Variants in LTBP2 observed in about 807,000 individuals in gnomAD.
LTBP2 encodes latent transforming growth factor beta binding protein 2.
In LTBP2, 103 loss-of-function variants were observed where a neutral mutation model predicts 210.6. That is an observed-to-expected ratio of 0.49 (90% CI 0.42 to 0.58). LTBP2 has a LOEUF of 0.58. Ranked by LOEUF, LTBP2 falls within the 20% of genes least tolerant of loss-of-function variation. LTBP2 has a pLI of 0.00. For missense variants in LTBP2, 2,313 were observed against 2,494.5 expected (o/e 0.93, Z 1.55); for synonymous variants, 1,007 against 1,015.0 (o/e 0.99, Z 0.15).
intron 1 of LTBP2, among the ~76,000 whole-genome samples, chr14:74,605,274 G>A (rs1336860933): frequency 6.6e-6 from 1 of 152,230 alleles, no homozygotes; most frequent in Non-Finnish European, 1.5e-5. Context: ...ATAAATTCCT[G>A]CAGCTTGAAA....
chr14:74,525,282 T>A, intron 14 of LTBP2, 57 bp from the exon 15 acceptor site: 1 of 960,912 alleles, frequency 1.0e-6, no homozygotes, highest in African/African-American at 1.7e-5. Flanking sequence ...GCCATGGCCC[T>A]TCCCTCTTCC....
intron 26 of LTBP2, 51 bp from the exon 27 acceptor site, chr14:74,506,874 T>TGC (rs759841151): frequency 1.2e-5 from 15 of 1,207,752 alleles, no homozygotes; most frequent in African/African-American, 1.0e-4. Context: ...TGTGTGTGTG[T>TGC]GTGTGCGCGC....
rs568947992 is a variant in LTBP2, at chr14:74,542,830, G to A, written c.1790-6830C>T. On this transcript the variant is annotated intron_variant, in intron 8 of 35. Transcript: ENST00000261978. ...TCACCAGGCTGGAGTGCAGTGGCGC[G>A]ATCTCAGCTCACTGCAATCTCTGCC... Among the ~76,000 whole-genome samples the A allele has an allele frequency of 5.3e-5, 8 of 150,832 alleles. No homozygotes were observed. In the East Asian group the frequency reaches 5.9e-4, roughly 11 times the overall value.
intron 3 of LTBP2, among the ~76,000 whole-genome samples, chr14:74,577,657 C>T (rs1423797922): frequency 6.6e-6 from 1 of 151,930 alleles, no homozygotes; most frequent in African/African-American, 2.4e-5. Flanking sequence ...TACAGATGCC[C>T]ACCACCATAC....
At chr14:74,529,512 A>G (rs1216061550) in intron 10 of LTBP2, among the ~76,000 whole-genome samples, 1 of 152,198 alleles carries the variant, frequency 6.6e-6, no homozygotes. Flanking sequence ...TGGGAAGATG[A>G]GGCAAGGTAA....
At chr14:74,603,166 C>T (rs947320205) in intron 2 of LTBP2, among the ~76,000 whole-genome samples, 5 of 152,068 alleles carry the variant, frequency 3.3e-5, no homozygotes, top group African/African-American at 1.2e-4. Flanking sequence ...CTCGCTCTGT[C>T]GCCCAGTCTG....
chr14:74,511,232 C>G lies in LTBP2; in HGVS notation c.3028+13G>C. On this transcript the variant is annotated intron_variant, in intron 19 of 35. Coordinates refer to ENST00000261978, the MANE Select transcript of LTBP2 (RefSeq NM_000428.3). ...CGAATGGCTGGCTCAGTGCCTTGGCCAGCAGCCCTCACCTACACAGCTCCC... is the reference window on the plus strand; with the variant it reads ...CGAATGGCTGGCTCAGTGCCTTGGCGAGCAGCCCTCACCTACACAGCTCCC... The G allele has an allele frequency of 6.2e-7, 1 of 1,613,758 alleles. No individual in the cohort carries two copies.
chr14:74,596,895 G>A (rs1436954557), intron 2 of LTBP2, among the ~76,000 whole-genome samples: 1 of 152,144 alleles, frequency 6.6e-6, no homozygotes, highest in Non-Finnish European at 1.5e-5. Flanking sequence ...GAGGATGTCT[G>A]GGAGACATCA....
chr14:74,516,804 CTCCTTCCCGT>C lies in LTBP2; in HGVS notation c.2908+8_2908+17del. 6.4e-7 allele frequency: 1 copy of C among 1,551,332 alleles called. No homozygotes were observed. The highest frequency in any genetic ancestry group is 8.7e-7 in the Non-Finnish European group (1 of 1,146,894). ...GGTGGTGGGGTGGCAGGGCGCTTCC[CTCCTTCCCGT>C]TCCTTACCTTGGCAGTGTCCTTTCC... On this transcript the variant is annotated splice_region_variant and intron_variant, in intron 18 of 35. Transcript: ENST00000261978.
intron 11 of LTBP2, 54 bp from the exon 12 acceptor site, chr14:74,528,752 C>A: frequency 6.3e-7 from 1 of 1,589,760 alleles, no homozygotes; most frequent in East Asian, 2.2e-5. Context: ...CTGCAGGAAA[C>A]CAGGGCCTTC....
At chr14:74,518,414 C>T (rs1481750414) in intron 17 of LTBP2, among the ~76,000 whole-genome samples, 2 of 152,180 alleles carry the variant, frequency 1.3e-5, no homozygotes, top group African/African-American at 2.4e-5. Context: ...CTCCTACCCT[C>T]GCCTAACCTC....
intron 17 of LTBP2, among the ~76,000 whole-genome samples, chr14:74,517,424 A>G (rs2087150632): frequency 6.6e-6 from 1 of 151,288 alleles, no homozygotes; most frequent in Non-Finnish European, 1.5e-5. Flanking sequence ...CGCCATCTTG[A>G]CTCACTGCAA....
At chr14:74,512,389 T>C (rs862055) in intron 18 of LTBP2, among the ~76,000 whole-genome samples, 105,333 of 152,168 alleles carry the variant, frequency 0.69, 36,738 homozygotes, top group African/African-American at 0.79. Context: ...ATTTAGAGGC[T>C]CTACTGCCCG....
In LTBP2 at chr14:74,524,446, G is replaced by A. The variant is rs367897022; in HGVS notation, c.2530+678C>T. Among the ~76,000 whole-genome samples the A allele has an allele frequency of 6.6e-5, 10 of 152,142 alleles. No homozygotes were observed. The East Asian group carries it at 1.6e-3, about 24-fold the overall frequency. ...GGTGACTGGGTCTCTGGACCCAGTC[G>A]TAAGGTTAAGAGAGCAGGAGCCCCA... On this transcript the variant is annotated intron_variant, in intron 15 of 35. Coordinates refer to ENST00000261978, the MANE Select transcript of LTBP2 (RefSeq NM_000428.3).
chr14:74,547,049 T>G (rs772469714), intron 8 of LTBP2, among the ~76,000 whole-genome samples: 14 of 152,246 alleles, frequency 9.2e-5, no homozygotes, highest in Non-Finnish European at 1.9e-4. Context: ...GGCATGGACC[T>G]CACAGCCTGC....
Position 74,546,078 on chromosome 14 carries a change from A to T in LTBP2, c.1789+3785T>A, listed in dbSNP as rs1185849657. ...CACAGAGCCTCAAAGCCAGAATGTG[A>T]CTGAAGGGAAGCCATGAAGCCACTC... On this transcript the variant is annotated intron_variant, in intron 8 of 35. Transcript: ENST00000261978. Among the ~76,000 whole-genome samples the T allele has an allele frequency of 1.3e-5, 2 of 152,170 alleles. 1 individual carries two copies. The highest frequency in any genetic ancestry group is 3.9e-4 in the East Asian group (2 of 5,194).
At chr14:74,523,119 C>A (rs1201491120) in intron 15 of LTBP2, among the ~76,000 whole-genome samples, 1 of 151,994 alleles carries the variant, frequency 6.6e-6, no homozygotes, top group Non-Finnish European at 1.5e-5. Flanking sequence ...CGAGCCCTAC[C>A]CAGGATGGAG....
Position 74,509,841 on chromosome 14 carries a change from C to A in LTBP2, c.3170G>T (p.Ser1057Ile). ...GAGGCCTGTGGGGCATGAGGCCCGG[C>A]TGGCACACTCATCCACATCTGAAAT... Reference protein sequence around the residue: ...KGCQDVDECASRASCPTGLCL... With the variant: ...KGCQDVDECAIRASCPTGLCL... The change falls in exon 21 of 36, where the codon AGC becomes ATC. Residue 1057 changes from serine (S) to isoleucine (I), a missense_variant. Coordinates refer to ENST00000261978, the MANE Select transcript of LTBP2 (RefSeq NM_000428.3). 6.2e-7 allele frequency: 1 copy of A among 1,613,984 alleles called. No homozygotes were observed. Among genetic ancestry groups the A allele is most frequent in the Non-Finnish European group, 8.5e-7 (1 of 1,180,006 alleles).
intron 1 of LTBP2, among the ~76,000 whole-genome samples, chr14:74,609,605 T>C (rs1196339188): frequency 6.6e-6 from 1 of 152,100 alleles, no homozygotes; most frequent in East Asian, 1.9e-4. Flanking sequence ...GTGCTACATC[T>C]GCACACCACC....
Sources: gnomAD v4.1 joint callset for allele counts (sites outside exome capture counted in the v4.1 genomes callset) on GRCh38, gnomAD v4.1.1 for gene constraint, MANE v1.5 for transcripts, NCBI Gene and HGNC (gene_info 2026-07-23, HGNC 2026-07-21) for gene names.